Variants in DSCAML1 observed in about 807,000 individuals in gnomAD.
The protein encoded by DSCAML1 is DS cell adhesion molecule like 1, also known as cell adhesion molecule DSCAML1.
A neutral mutation model predicts 200.5 loss-of-function variants in DSCAML1; 38 were observed. The ratio of observed to expected loss-of-function variants is 0.19; its 90% CI spans 0.15 to 0.25. The LOEUF is 0.25. Among genes scored for constraint, DSCAML1 ranks in the 10% least tolerant of loss-of-function variants. The pLI, the probability that DSCAML1 is intolerant of heterozygous loss-of-function variation, is 1.00. For synonymous variants in DSCAML1, 1,215 were observed against 1,165.0 expected (o/e 1.04, Z -0.87); for missense variants, 2,223 against 2,858.8 (o/e 0.78, Z 5.07).
At chr11:117,673,044 T>G (rs770283993) in intron 3 of DSCAML1, among the ~76,000 whole-genome samples, 2 of 152,080 alleles carry the variant, frequency 1.3e-5, no homozygotes, top group Non-Finnish European at 1.5e-5. Context: ...TGCTTGCTCA[T>G]CTCCTCGGGC....
intron 3 of DSCAML1, among the ~76,000 whole-genome samples, chr11:117,727,855 A>G (rs1031349643): frequency 1.1e-4 from 16 of 152,240 alleles, no homozygotes; most frequent in Admixed American, 3.9e-4. Flanking sequence ...AGCGTAAAAG[A>G]CAAGGGGCTC....
chr11:117,627,939 G>A (rs528192697), intron 3 of DSCAML1, among the ~76,000 whole-genome samples: 43 of 152,134 alleles, frequency 2.8e-4, no homozygotes, highest in Admixed American at 2.2e-3. Flanking sequence ...TGGGGACCAT[G>A]GGCCCCTATG....
chr11:117,736,916 C>T (rs374579186), intron 3 of DSCAML1, among the ~76,000 whole-genome samples: 37 of 152,334 alleles, frequency 2.4e-4, no homozygotes, highest in South Asian at 6.2e-4. Flanking sequence ...TCTCATCCTT[C>T]GGCTCCCAGT....
intron 3 of DSCAML1, among the ~76,000 whole-genome samples, chr11:117,598,333 G>A (rs1320786312): frequency 6.6e-6 from 1 of 152,182 alleles, no homozygotes; most frequent in East Asian, 1.9e-4. Flanking sequence ...CTATTTTATG[G>A]AGTATAACTT....
Position 117,428,599 on chromosome 11 carries a change from G to C in DSCAML1, c.5891C>G (p.Ala1964Gly), listed in dbSNP as rs1259189993. Residue 1964 changes from alanine (A) to glycine (G), a missense_variant, in exon 33 of 33, where the codon GCC becomes GGC. By Grantham distance (60) the Ala-to-Gly change is moderately conservative. Transcript: ENST00000651296. ...GLPHPGAPAA[A>G]STATLPQRTL... ...CCTCTGAGGTAAGGTGGCTGTGGAGGCGGCAGCGGGGGCCCCTGGGTGGGG... is the reference window on the plus strand; with the variant it reads ...CCTCTGAGGTAAGGTGGCTGTGGAGCCGGCAGCGGGGGCCCCTGGGTGGGG... 4.4e-6 allele frequency: 7 copies of C among 1,600,974 alleles called. No homozygotes were observed. In the African/African-American group the frequency reaches 5.4e-5, roughly 12 times the overall value.
Position 117,461,609 on chromosome 11 carries a change from G to C in DSCAML1, c.3266-13C>G. 2 of 1,608,064 alleles carry C rather than the reference G, an allele frequency of 1.2e-6. No individual in the cohort carries two copies. Among genetic ancestry groups the C allele is most frequent in the Non-Finnish European group, 1.7e-6 (2 of 1,179,134 alleles). ...GGCTGGCTGGGCACTGCAGGGGGTAGGGGGAGAACCAAGGGTCCAGTCAGT... is the reference window on the plus strand; with the variant it reads ...GGCTGGCTGGGCACTGCAGGGGGTACGGGGAGAACCAAGGGTCCAGTCAGT... On this transcript the variant is annotated splice_polypyrimidine_tract_variant and intron_variant, in intron 17 of 32. Coordinates refer to ENST00000651296, the MANE Select transcript of DSCAML1 (RefSeq NM_020693.4).
chr11:117,535,461 GGGCAGACCCCGCAACTA>G (rs369242030), intron 3 of DSCAML1, among the ~76,000 whole-genome samples: 70 of 152,258 alleles, frequency 4.6e-4, no homozygotes, highest in African/African-American at 1.5e-3. Context: ...GACCACAGCC[GGGCAGACCCCGCAACTA>G]GGCAGACCCC....
At chr11:117,727,932 G>A (rs1478805962) in intron 3 of DSCAML1, among the ~76,000 whole-genome samples, 4 of 152,180 alleles carry the variant, frequency 2.6e-5, no homozygotes, top group Admixed American at 6.5e-5. Flanking sequence ...ATGGAGCCAA[G>A]GGAAGTAAGA....
At position 117,504,690 on chromosome 11, in the gene DSCAML1, G is replaced by A. The variant is rs1325049720; in HGVS notation, c.2182+234C>T. Among the ~76,000 whole-genome samples the A allele has an allele frequency of 6.9e-6, 1 of 144,484 alleles. No homozygotes were observed. The highest frequency in any genetic ancestry group is 2.5e-5 in the African/African-American group (1 of 40,332). The allele number at this position is 144,484 out of a possible 152,430, so 94.8% of individuals were successfully genotyped here. A position where few individuals can be genotyped will look rare whatever the true frequency, so the allele number is the denominator to read the frequency against. ...TGGGAGAGGAGAGGTCGCGTCTGGGGGGACAAGAGGAAATACGGAGTCAGC... is the reference window on the plus strand; with the variant it reads ...TGGGAGAGGAGAGGTCGCGTCTGGGAGGACAAGAGGAAATACGGAGTCAGC... On this transcript the variant is annotated intron_variant, in intron 10 of 32. Transcript: ENST00000651296. The surrounding 1 kb of genome is among the most constrained non-coding windows in gnomAD (Gnocchi z 5.0).
chr11:117,654,632 G>A (rs540037549), intron 3 of DSCAML1, among the ~76,000 whole-genome samples: 97 of 152,286 alleles, frequency 6.4e-4, no homozygotes, highest in East Asian at 2.1e-3. Flanking sequence ...ATTTACTGCC[G>A]AGATGTCACT....
chr11:117,431,712 C>A lies in DSCAML1; in HGVS notation c.5196G>T (p.Lys1732Asn). ...GGGTGCTGTGGGCTGACTTCACATT[C>A]TTCCTGGACACTGGATCTGCACAGA... ...IRPGTNPVSR[K>N]NVKSAHSTRN... is the part of the protein sequence containing the mutation. Residue 1732 changes from lysine to asparagine, a missense_variant, in exon 31 of 33, where the codon AAG becomes AAT. Transcript: ENST00000651296. The A allele has an allele frequency of 6.3e-7, 1 of 1,586,674 alleles. No homozygotes were observed. The highest frequency in any genetic ancestry group is 1.7e-5 in the Admixed American group (1 of 57,550).
At chr11:117,787,795 C>T (rs185318458) in intron 1 of DSCAML1, among the ~76,000 whole-genome samples, 5 of 152,204 alleles carry the variant, frequency 3.3e-5, no homozygotes, top group African/African-American at 7.2e-5. Flanking sequence ...CCAGGCCTTA[C>T]GCAGAGTTCT....
intron 3 of DSCAML1, among the ~76,000 whole-genome samples, chr11:117,654,737 T>C (rs759675774): frequency 1.1e-4 from 16 of 152,196 alleles, no homozygotes; most frequent in Non-Finnish European, 2.2e-4. Flanking sequence ...AGAACACAGC[T>C]AGGACGGCCT....
At chr11:117,577,731 T>G (rs1041169949) in intron 3 of DSCAML1, among the ~76,000 whole-genome samples, 1 of 151,348 alleles carries the variant, frequency 6.6e-6, no homozygotes, top group Admixed American at 6.6e-5. Flanking sequence ...CAAGCCCGGC[T>G]AATTTTTGTA....
intron 3 of DSCAML1, among the ~76,000 whole-genome samples, chr11:117,591,156 TTATG>T (rs2051251565): frequency 6.6e-6 from 1 of 152,078 alleles, no homozygotes; most frequent in Non-Finnish European, 1.5e-5. Flanking sequence ...AAAAATTCAT[TTATG>T]TATTTATTCA....
chr11:117,702,731 C>T (rs570749765), intron 3 of DSCAML1, among the ~76,000 whole-genome samples: 2 of 152,238 alleles, frequency 1.3e-5, no homozygotes, highest in South Asian at 2.1e-4. Flanking sequence ...ACAGTATTTG[C>T]CACTGAGTTT....
intron 19 of DSCAML1, among the ~76,000 whole-genome samples, chr11:117,455,635 G>T (rs532064181): frequency 2.8e-4 from 42 of 152,166 alleles, no homozygotes; most frequent in Non-Finnish European, 4.9e-4. Context: ...AATTTATTTT[G>T]CTTTTTTCTA....
intron 3 of DSCAML1, among the ~76,000 whole-genome samples, chr11:117,570,777 C>T (rs751916858): frequency 3.3e-5 from 5 of 152,236 alleles, no homozygotes; most frequent in Non-Finnish European, 5.9e-5. Flanking sequence ...ACTCAGGGGC[C>T]ACTGAGGGTC....
upstream of DSCAML1, chr11:117,802,079 A>C (rs2055664957): frequency 6.6e-6 from 1 of 152,276 alleles, no homozygotes; most frequent in Non-Finnish European, 1.5e-5. Context: ...GAGCAGAGCT[A>C]AACTTGCTGG....
Sources: allele counts gnomAD v4.1 joint callset (sites outside exome capture counted in the v4.1 genomes callset), GRCh38; gene constraint gnomAD v4.1.1; non-coding constraint Gnocchi (gnomAD v3.1); transcripts MANE v1.5; gene names NCBI Gene and HGNC (gene_info 2026-07-23, HGNC 2026-07-21).